The following AHR variants were observed in gnomAD, a reference collection of about 807,000 sequenced individuals.
AHR encodes the protein aryl hydrocarbon receptor.
In AHR, 40 loss-of-function variants were observed where a neutral mutation model predicts 86.8. The observed-to-expected ratio is 0.46, with a 90% CI of 0.36 to 0.60. The LOEUF (loss-of-function observed/expected upper bound fraction) is 0.60, where lower values mean the gene tolerates loss of function less well. Among genes scored for constraint, AHR ranks in the 20% least tolerant of loss-of-function variants. The pLI is 0.00. For missense variants in AHR, 1,001 were observed against 1,011.6 expected (o/e 0.99, Z 0.14); for synonymous variants, 398 against 354.9 (o/e 1.12, Z -1.37).
At chr7:17,322,669 T>C in intron 3 of AHR, 62 bp downstream of exon 3, 18 of 1,119,270 alleles carry the variant, frequency 1.6e-5, no homozygotes, top group Middle Eastern at 2.6e-4. Flanking sequence ...AATGAATTAA[T>C]AAGTCTTTTA....
intron 1 of AHR, among the ~76,000 whole-genome samples, chr7:17,305,957 A>G (rs1264160295): frequency 6.6e-6 from 1 of 152,192 alleles, no homozygotes. Context: ...AAACAGAAGC[A>G]TGGCATGCAG....
chr7:17,322,525 A>G lies in AHR; in HGVS notation c.278A>G (p.Glu93Gly), dbSNP rs1782184945. Reference protein sequence around the residue: ...FDVALKSSPTERNGGQDNCRA... With the variant: ...FDVALKSSPTGRNGGQDNCRA... ...GTTGCATTAAAATCCTCCCCTACTG[A>G]AAGAAACGGAGGCCAGGATAACTGT... Residue 93 changes from glutamate (E) to glycine (G), a missense_variant, in exon 3 of 11, where the codon GAA becomes GGA. By Grantham distance (98) the Glu-to-Gly change is moderately conservative. Coordinates refer to ENST00000242057, the MANE Select transcript of AHR (RefSeq NM_001621.5). 5.0e-6 allele frequency: 8 copies of G among 1,612,108 alleles called. No individual in the cohort carries two copies. Among genetic ancestry groups the G allele is most frequent in the Non-Finnish European group, 6.8e-6 (8 of 1,178,556 alleles).
intron 1 of AHR, among the ~76,000 whole-genome samples, chr7:17,302,447 T>C (rs573830350): frequency 2.6e-5 from 4 of 152,194 alleles, no homozygotes; most frequent in Non-Finnish European, 5.9e-5. Flanking sequence ...ACTCATTAAA[T>C]GTTTTCTATA....
Position 17,345,361 on chromosome 7 carries a change from T to C in AHR, c.*2297T>C, listed in dbSNP as rs1782472375. Reference sequence around the variant, plus strand: ...TATTTCTTTTACTTTTTTTAGTAAGTTAATGTATATAAAAATGGCTTCGGA... The same window carrying C: ...TATTTCTTTTACTTTTTTTAGTAAGCTAATGTATATAAAAATGGCTTCGGA... On this transcript the variant is annotated 3_prime_UTR_variant, in exon 11 of 11. Coordinates refer to ENST00000242057, the MANE Select transcript of AHR (RefSeq NM_001621.5). The C allele has an allele frequency of 6.6e-6, 1 of 152,552 alleles. No homozygotes were observed. Among genetic ancestry groups the C allele is most frequent in the African/African-American group, 2.4e-5 (1 of 41,432 alleles). 9.4% of individuals were successfully genotyped at this position (152,552 alleles called of 1,614,324 possible).
At chr7:17,326,319 G>C (rs1416629786) in intron 3 of AHR, among the ~76,000 whole-genome samples, 1 of 152,158 alleles carries the variant, frequency 6.6e-6, no homozygotes, top group Non-Finnish European at 1.5e-5. Flanking sequence ...AATTGGAGTG[G>C]AAAGAGAGAC....
At position 17,299,001 on chromosome 7, in the gene AHR, C is replaced by G. The variant is rs1363428559; in HGVS notation, c.-264C>G. On this transcript the variant is annotated 5_prime_UTR_variant, in exon 1 of 11. Transcript: ENST00000242057. ...CCGGTGTAGACGGCACCTGCGCCGCCTTGCTCGCGGGTCTCCGCCCCTCGC... is the reference window on the plus strand; with the variant it reads ...CCGGTGTAGACGGCACCTGCGCCGCGTTGCTCGCGGGTCTCCGCCCCTCGC... 5 of 465,176 alleles carry G rather than the reference C, an allele frequency of 1.1e-5. No individual in the cohort carries two copies. The highest frequency in any genetic ancestry group is 1.9e-5 in the Non-Finnish European group (5 of 268,750). 28.8% of individuals were successfully genotyped at this position (465,176 alleles called of 1,614,324 possible). A position where few individuals can be genotyped will look rare whatever the true frequency, so the allele number is the denominator to read the frequency against.
chr7:17,305,638 T>C (rs560624051), intron 1 of AHR, among the ~76,000 whole-genome samples: 1 of 152,254 alleles, frequency 6.6e-6, no homozygotes, highest in South Asian at 2.1e-4. Context: ...AAAAATCCGA[T>C]AGAGCAAACT....
chr7:17,343,814 A>G lies in AHR; in HGVS notation c.*750A>G, dbSNP rs1388365573. 1 of 152,638 alleles carries G rather than the reference A, an allele frequency of 6.6e-6. No homozygotes were observed. The highest frequency in any genetic ancestry group is 1.5e-5 in the Non-Finnish European group (1 of 67,986). The allele number at this position is 152,638 out of a possible 1,614,324, so 9.5% of individuals were successfully genotyped here. A position where few individuals can be genotyped will look rare whatever the true frequency, so the allele number is the denominator to read the frequency against. On this transcript the variant is annotated 3_prime_UTR_variant, in exon 11 of 11. Transcript: ENST00000242057. ...AGGGCAAATAATGATCGAAAAAATA[A>G]TTATTTATTACATAATTTAGTTGTT...
In AHR at chr7:17,343,003, C is replaced by G. The variant is rs1273243490; in HGVS notation, c.2486C>G (p.Pro829Arg). ...ACTCAGACTACCACACATCTTCAGC[C>G]ACTTCATCATCCGTCAGAAGCCAGA... is the stretch of plus-strand genomic sequence containing the variant. ...NNTQTTTHLQ[P>R]LHHPSEARPF... Residue 829 changes from proline to arginine, a missense_variant, in exon 11 of 11, where the codon CCA becomes CGA. Coordinates refer to ENST00000242057, the MANE Select transcript of AHR (RefSeq NM_001621.5). The G allele has an allele frequency of 6.2e-7, 1 of 1,613,782 alleles. No individual in the cohort carries two copies. Among genetic ancestry groups the G allele is most frequent in the East Asian group, 2.2e-5 (1 of 44,870 alleles).
At position 17,318,080 on chromosome 7, in the gene AHR, A is replaced by G. The variant is rs551130339; in HGVS notation, c.254-4421A>G. On this transcript the variant is annotated intron_variant, in intron 2 of 10. Transcript: ENST00000242057. ...AGTAAAGGGGATGGTAAATATTATGAAATTAATTGAATTTATAGCAGCAGT... is the reference window on the plus strand; with the variant it reads ...AGTAAAGGGGATGGTAAATATTATGGAATTAATTGAATTTATAGCAGCAGT... Among the ~76,000 whole-genome samples the G allele has an allele frequency of 3.6e-4, 55 of 152,254 alleles. No individual in the cohort carries two copies. In the South Asian group the frequency reaches 0.01, roughly 29 times the overall value.
chr7:17,320,555 G>C (rs769884848), intron 2 of AHR, among the ~76,000 whole-genome samples: 17 of 152,014 alleles, frequency 1.1e-4, no homozygotes, highest in Non-Finnish European at 2.2e-4. Flanking sequence ...GTTTGGCTTT[G>C]TTGTTTTCTT....
intron 1 of AHR, among the ~76,000 whole-genome samples, chr7:17,304,404 A>G (rs1227314375): frequency 2.0e-5 from 3 of 152,104 alleles, no homozygotes; most frequent in Middle Eastern, 3.4e-3. Context: ...TTCCTGTTCT[A>G]TGCTATTATT....
rs765480853 is a variant in AHR at position 17,339,451 on chromosome 7, A to C, written c.1626A>C (p.Ile542=). ...GTAAAAACAGTGACTTGTACAGCAT[A>C]ATGAAAAACCTAGGCATTGATTTTG... The part of the protein sequence containing the change: ...QDSKNSDLYS[I]MKNLGIDFED... Residue 542 remains isoleucine (I), a synonymous_variant, in exon 10 of 11, where the codon ATA becomes ATC. Transcript: ENST00000242057. 1 of 1,614,196 alleles carries C rather than the reference A, an allele frequency of 6.2e-7. No individual in the cohort carries two copies. The highest frequency in any genetic ancestry group is 8.5e-7 in the Non-Finnish European group (1 of 1,180,028).
intron 1 of AHR, among the ~76,000 whole-genome samples, chr7:17,300,735 C>A (rs925530831): frequency 6.6e-6 from 1 of 152,076 alleles, no homozygotes; most frequent in African/African-American, 2.4e-5. Context: ...TCTTATTTGA[C>A]ATTGTCATTG....
chr7:17,314,265 AGGG>A (rs1782094262), intron 2 of AHR, among the ~76,000 whole-genome samples: 1 of 152,118 alleles, frequency 6.6e-6, no homozygotes, highest in Non-Finnish European at 1.5e-5. Context: ...AGGTAATGTT[AGGG>A]AAAATCTAAG....
intron 2 of AHR, among the ~76,000 whole-genome samples, chr7:17,320,973 C>T (rs1166215090): frequency 6.6e-6 from 1 of 152,082 alleles, no homozygotes; most frequent in African/African-American, 2.4e-5. Flanking sequence ...CCAGAAAATA[C>T]ACTGCAAATA....
At position 17,310,234 on chromosome 7, in the gene AHR, A is replaced by G. The variant is rs1305727514; in HGVS notation, c.253+111A>G. The stretch of plus-strand genomic sequence containing the variant: ...AAAATTAGCCGTATTTGGAAAATTT[A>G]TTGCTGTATAGTAAAATTTCAGTGG... On this transcript the variant is annotated intron_variant, in intron 2 of 10. Coordinates refer to ENST00000242057, the MANE Select transcript of AHR (RefSeq NM_001621.5). 7 of 1,049,106 alleles carry G rather than the reference A, an allele frequency of 6.7e-6. No individual in the cohort carries two copies. The Admixed American group carries it at 1.3e-4, about 20-fold the overall frequency. The allele number at this position is 1,049,106 out of a possible 1,614,324, so 65.0% of individuals were successfully genotyped here.
rs894881276 is a variant in AHR, at chr7:17,344,793, C to T, written c.*1729C>T. ...TACAGGCATGTGCCACCATGCCCAGCTAATTTTTGTATTTTTAGTAGAAAC... is the reference window on the plus strand; with the variant it reads ...TACAGGCATGTGCCACCATGCCCAGTTAATTTTTGTATTTTTAGTAGAAAC... On this transcript the variant is annotated 3_prime_UTR_variant, in exon 11 of 11. Coordinates refer to ENST00000242057, the MANE Select transcript of AHR (RefSeq NM_001621.5). 122 of 151,944 alleles carry T rather than the reference C, an allele frequency of 8.0e-4. 1 individual carries two copies. The highest frequency in any genetic ancestry group is 2.9e-3 in the African/African-American group (119 of 41,480). 9.4% of individuals were successfully genotyped at this position (151,944 alleles called of 1,614,324 possible).
chr7:17,339,773 A>G lies in AHR; in HGVS notation c.1948A>G (p.Met650Val), dbSNP rs757525465. Residue 650 changes from methionine (M) to valine (V), a missense_variant, in exon 10 of 11, where the codon ATG becomes GTG. By Grantham distance (21) the Met-to-Val change is conservative. Around this residue, in one of 2 missense-constraint regions of AHR, gnomAD observed 607 missense variants for 543.1 expected, o/e 1.12. Coordinates refer to ENST00000242057, the MANE Select transcript of AHR (RefSeq NM_001621.5). ...QKMKHMQVNGMFENWNSNQFV... is the reference protein window; with the variant it reads ...QKMKHMQVNGVFENWNSNQFV... ...GATGAAGCACATGCAAGTTAATGGC[A>G]TGTTTGAAAATTGGAACTCTAACCA... is the stretch of plus-strand genomic sequence containing the variant. 3.1e-6 allele frequency: 5 copies of G among 1,614,110 alleles called. No homozygotes were observed. The highest frequency in any genetic ancestry group is 4.2e-6 in the Non-Finnish European group (5 of 1,180,044).
Sources: gnomAD v4.1 joint callset for allele counts (sites outside exome capture counted in the v4.1 genomes callset) on GRCh38, gnomAD v4.1.1 for gene constraint, gnomAD v4.1.1 regional missense constraint, MANE v1.5 for transcripts, NCBI Gene and HGNC (gene_info 2026-07-23, HGNC 2026-07-21) for gene names.